BEND7: variants seen among roughly 807,000 people sequenced by gnomAD.
BEND7 encodes the protein BEN domain containing 7, also known as BEN domain-containing protein 7.
In BEND7, 28 loss-of-function variants were observed where a neutral mutation model predicts 50.9. That is an observed-to-expected ratio of 0.55 (90% CI 0.41 to 0.75). The LOEUF (loss-of-function observed/expected upper bound fraction) is 0.75, where lower values mean the gene tolerates loss of function less well. Ranked by LOEUF, BEND7 falls within the 30% of genes least tolerant of loss-of-function variation. BEND7 has a pLI of 0.00. For synonymous variants in BEND7, 170 were observed against 183.9 expected (o/e 0.92, Z 0.61); for missense variants, 477 against 491.3 (o/e 0.97, Z 0.28).
intron 6 of BEND7, among the ~76,000 whole-genome samples, chr10:13,474,725 A>G (rs1161041865): frequency 6.6e-6 from 1 of 151,442 alleles, no homozygotes; most frequent in Non-Finnish European, 1.5e-5. Context: ...TCAGTGTTGG[A>G]CTCGGGTCGA....
intron 8 of BEND7, chr10:13,445,337 T>G (rs890796494): frequency 6.6e-6 from 1 of 152,202 alleles, no homozygotes; most frequent in African/African-American, 2.4e-5. Context: ...ATTTTAATTG[T>G]GAAGACTGAG....
At chr10:13,500,761 T>C (rs10796087) in intron 2 of BEND7, 560,663 of 985,076 alleles carry the variant, frequency 0.57, 160,505 homozygotes, top group Non-Finnish European at 0.58. Flanking sequence ...TTTCTGGCAC[T>C]CTGACTCCCA....
chr10:13,495,876 C>T (rs1266327571), intron 4 of BEND7, among the ~76,000 whole-genome samples: 1 of 152,192 alleles, frequency 6.6e-6, no homozygotes, highest in Non-Finnish European at 1.5e-5. Flanking sequence ...GAAAGCCAGT[C>T]ACGACATGGC....
At chr10:13,447,734 G>A (rs1049348483) in intron 7 of BEND7, among the ~76,000 whole-genome samples, 1 of 151,626 alleles carries the variant, frequency 6.6e-6, no homozygotes, top group Non-Finnish European at 1.5e-5. Flanking sequence ...TAGTAGAGGC[G>A]GGGTTTCACT....
At chr10:13,460,453 G>T (rs1839978805) in intron 6 of BEND7, among the ~76,000 whole-genome samples, 1 of 152,186 alleles carries the variant, frequency 6.6e-6, no homozygotes, top group African/African-American at 2.4e-5. Context: ...TTTTAAAGAT[G>T]GGGGTCTCAC....
At chr10:13,522,074 T>A (rs1481915026) in intron 2 of BEND7, among the ~76,000 whole-genome samples, 1 of 152,172 alleles carries the variant, frequency 6.6e-6, no homozygotes, top group Non-Finnish European at 1.5e-5. Context: ...CTGAACTGAA[T>A]ATTAAAAAGA....
chr10:13,441,800 A>G (rs1209883704), intron 8 of BEND7, 50 bp from the exon 9 acceptor site: 1 of 1,571,566 alleles, frequency 6.4e-7, no homozygotes. Context: ...CTTACTGGCC[A>G]GAAATGGAAA....
intron 6 of BEND7, among the ~76,000 whole-genome samples, chr10:13,464,126 C>T (rs1180228752): frequency 1.3e-5 from 2 of 152,234 alleles, no homozygotes; most frequent in African/African-American, 4.8e-5. Flanking sequence ...CCCAGCGAAG[C>T]TGAAGACGCT....
chr10:13,471,519 A>G (rs1283050137), intron 6 of BEND7, among the ~76,000 whole-genome samples: 1 of 152,248 alleles, frequency 6.6e-6, no homozygotes. Flanking sequence ...GGAAAATGAA[A>G]TGGTATTTGT....
chr10:13,446,475 T>G (rs547769973), intron 8 of BEND7: 2 of 152,332 alleles, frequency 1.3e-5, no homozygotes, highest in South Asian at 4.1e-4. Context: ...AAGAGGGTTT[T>G]TGGGGGTACC....
intron 3 of BEND7, among the ~76,000 whole-genome samples, chr10:13,498,529 T>C (rs1021949529): frequency 6.6e-6 from 1 of 152,220 alleles, no homozygotes; most frequent in Admixed American, 6.5e-5. Flanking sequence ...AACTTACTGA[T>C]GTGGGGTTTA....
At chr10:13,447,176 A>G (rs1836536074) in intron 8 of BEND7, 90 bp downstream of exon 8, 6 of 1,364,976 alleles carry the variant, frequency 4.4e-6, no homozygotes, top group African/African-American at 1.5e-5. Flanking sequence ...AAGTGTCTGC[A>G]TGTCTAATGT....
At chr10:13,493,364 G>T (rs1472688824) in intron 4 of BEND7, among the ~76,000 whole-genome samples, 6 of 152,208 alleles carry the variant, frequency 3.9e-5, no homozygotes, top group Admixed American at 3.9e-4. Flanking sequence ...ATTTGCGCAA[G>T]ACTGATCAAA....
At chr10:13,486,303 A>G (rs995553818) in intron 5 of BEND7, among the ~76,000 whole-genome samples, 3 of 152,244 alleles carry the variant, frequency 2.0e-5, no homozygotes, top group Non-Finnish European at 2.9e-5. Context: ...TGCTGGGATT[A>G]TAGGCGGGAG....
intron 5 of BEND7, among the ~76,000 whole-genome samples, chr10:13,487,603 C>T (rs2076325736): frequency 6.6e-6 from 1 of 152,038 alleles, no homozygotes. Flanking sequence ...TCACGCTGGT[C>T]TCGAACTCCT....
chr10:13,439,363 G>A, downstream of BEND7: 1 of 1,614,166 alleles, frequency 6.2e-7, no homozygotes, highest in Non-Finnish European at 8.5e-7. Context: ...TTGTTCAGGA[G>A]CACGAGATGC....
In BEND7 at chr10:13,528,216, C is replaced by T. The variant is rs531720317; in HGVS notation, c.61+257G>A. ...GGCGCCCCGAGGAGGGCTCGGGCCCCCCGGTGTCATTGTTTGCTAATTTCC... is the reference window on the plus strand; with the variant it reads ...GGCGCCCCGAGGAGGGCTCGGGCCCTCCGGTGTCATTGTTTGCTAATTTCC... On this transcript the variant is annotated intron_variant, in intron 1 of 8. Coordinates refer to ENST00000466271, the MANE Select transcript of BEND7 (RefSeq NM_001369863.1). Among the ~76,000 whole-genome samples the T allele has an allele frequency of 5.9e-5, 9 of 152,060 alleles. No homozygotes were observed. In the East Asian group the frequency reaches 1.7e-3, roughly 30 times the overall value.
intron 5 of BEND7, among the ~76,000 whole-genome samples, chr10:13,488,211 AG>A (rs2076384621): frequency 6.6e-6 from 1 of 152,076 alleles, no homozygotes; most frequent in Admixed American, 6.6e-5. Flanking sequence ...GACTATTTAT[AG>A]TAACTACAAC....
At chr10:13,441,883 A>C (rs1484221525) in intron 8 of BEND7, 133 bp from the exon 9 acceptor site, 2 of 855,752 alleles carry the variant, frequency 2.3e-6, no homozygotes, top group Non-Finnish European at 3.7e-6. Flanking sequence ...GAAGAAAAAG[A>C]AGCCACACAT....
Sources: gnomAD v4.1 joint callset for allele counts (sites outside exome capture counted in the v4.1 genomes callset) on GRCh38, gnomAD v4.1.1 for gene constraint, MANE v1.5 for transcripts, NCBI Gene and HGNC (gene_info 2026-07-23, HGNC 2026-07-21) for gene names.